SLC35D4: variants seen among roughly 807,000 people sequenced by gnomAD.
The protein encoded by SLC35D4 is solute carrier family 35 member D4.
the SLC35D4 span, among the ~76,000 whole-genome samples, chr18:23,242,783 CT>C: frequency 6.6e-6 from 1 of 152,138 alleles, no homozygotes; most frequent in Non-Finnish European, 1.5e-5. Context: ...GATAAAATGC[CT>C]ATTTTTTATT....
chr18:23,296,945 GT>G, the SLC35D4 span: 4 of 152,088 alleles, frequency 2.6e-5, no homozygotes, highest in African/African-American at 9.7e-5. Context: ...GAAATAAATA[GT>G]AACACCAACC....
the SLC35D4 span, among the ~76,000 whole-genome samples, chr18:23,240,614 G>C: frequency 3.9e-5 from 6 of 152,346 alleles, no homozygotes; most frequent in Middle Eastern, 3.4e-3. Flanking sequence ...AGTGATTGGG[G>C]AAGGAGCAGG....
the SLC35D4 span, among the ~76,000 whole-genome samples, chr18:23,360,923 G>A: frequency 5.6e-4 from 85 of 151,930 alleles, no homozygotes; most frequent in Non-Finnish European, 5.6e-4. Flanking sequence ...CCAACATGGT[G>A]GAACCCCGTC....
chr18:23,282,726 G>C, the SLC35D4 span, among the ~76,000 whole-genome samples: 1 of 152,206 alleles, frequency 6.6e-6, no homozygotes, highest in Non-Finnish European at 1.5e-5. Flanking sequence ...GGCACATGGG[G>C]AGGTGAGAGG....
the SLC35D4 span, among the ~76,000 whole-genome samples, chr18:23,280,930 G>A: frequency 2.8e-3 from 430 of 152,010 alleles, no homozygotes; most frequent in Non-Finnish European, 5.0e-3. Context: ...CATGCCCTGC[G>A]TGGAGGACTC....
the SLC35D4 span, among the ~76,000 whole-genome samples, chr18:23,341,516 A>G: frequency 0.12 from 17,558 of 152,282 alleles, 1,123 homozygotes; most frequent in Middle Eastern, 0.21. Context: ...TAGTCTTCAC[A>G]TAAGCCCGAT....
the SLC35D4 span, among the ~76,000 whole-genome samples, chr18:23,267,460 C>T: frequency 6.6e-6 from 1 of 152,072 alleles, no homozygotes; most frequent in Admixed American, 6.6e-5. Context: ...TGCACTCCCT[C>T]CACCCCGGCC....
chr18:23,355,088 T>C, the SLC35D4 span, among the ~76,000 whole-genome samples: 1 of 152,212 alleles, frequency 6.6e-6, no homozygotes, highest in Admixed American at 6.5e-5. Context: ...TGGTGGAGCC[T>C]CTGAAATGAA....
At chr18:23,421,709 C>T in the SLC35D4 span, among the ~76,000 whole-genome samples, 1 of 143,352 alleles carries the variant, frequency 7.0e-6, no homozygotes, top group African/African-American at 2.6e-5. Context: ...CGGAGTTTCG[C>T]TCCGTCGCCC....
At chr18:23,437,933 A>T in the SLC35D4 span, 2 of 1,443,476 alleles carry the variant, frequency 1.4e-6, no homozygotes, top group Non-Finnish European at 1.9e-6. Flanking sequence ...CAGCAGCAGC[A>T]GCGGCAGCGG....
the SLC35D4 span, among the ~76,000 whole-genome samples, chr18:23,385,824 C>A: frequency 2.0e-5 from 3 of 151,920 alleles, no homozygotes; most frequent in Non-Finnish European, 4.4e-5. Context: ...TCTAGGGGCG[C>A]CATAGGATGA....
the SLC35D4 span, among the ~76,000 whole-genome samples, chr18:23,373,959 A>T: frequency 6.6e-5 from 10 of 152,338 alleles, no homozygotes; most frequent in East Asian, 1.9e-3. Context: ...TCATAAGCAG[A>T]CATTTCCTTC....
chr18:23,285,472 C>A, the SLC35D4 span, among the ~76,000 whole-genome samples: 1 of 152,194 alleles, frequency 6.6e-6, no homozygotes, highest in African/African-American at 2.4e-5. Context: ...ACGGCACTTT[C>A]AATTTTTCCA....
chr18:23,359,668 G>A, the SLC35D4 span, among the ~76,000 whole-genome samples: 1 of 152,130 alleles, frequency 6.6e-6, no homozygotes, highest in African/African-American at 2.4e-5. Flanking sequence ...CAGGAGGTCG[G>A]TTCCAAGCAG....
the SLC35D4 span, chr18:23,399,566 C>T: frequency 6.2e-7 from 1 of 1,613,608 alleles, no homozygotes; most frequent in East Asian, 2.2e-5. Context: ...TAATACTTAC[C>T]AGTCTGGACA....
chr18:23,364,835 A>G, the SLC35D4 span, among the ~76,000 whole-genome samples: 4 of 137,300 alleles, frequency 2.9e-5, no homozygotes, highest in Admixed American at 2.5e-4. Context: ...CCTGGGAGGC[A>G]GAGGTTGCAG....
At chr18:23,271,725 TCCGA>T in the SLC35D4 span, among the ~76,000 whole-genome samples, 27 of 152,152 alleles carry the variant, frequency 1.8e-4, no homozygotes, top group Non-Finnish European at 1.5e-5. Context: ...CAGCCCCATC[TCCGA>T]CCTCTGGGGA....
the SLC35D4 span, among the ~76,000 whole-genome samples, chr18:23,386,642 T>C: frequency 7.1e-6 from 1 of 140,584 alleles, no homozygotes; most frequent in African/African-American, 2.7e-5. Context: ...GCAGCGAAGA[T>C]GGAGGAAAGG....
the SLC35D4 span, among the ~76,000 whole-genome samples, chr18:23,286,332 G>A: frequency 3.2e-4 from 49 of 152,270 alleles, no homozygotes; most frequent in African/African-American, 1.2e-3. Context: ...CAGAAATCTG[G>A]CCACCAGGCC....
Sources: allele counts gnomAD v4.1 joint callset (sites outside exome capture counted in the v4.1 genomes callset), GRCh38; gene constraint gnomAD v4.1.1; transcripts MANE v1.5; gene names NCBI Gene and HGNC (gene_info 2026-07-23, HGNC 2026-07-21).